PLOD2: variants seen among roughly 807,000 people sequenced by gnomAD.
PLOD2 encodes lysine hydroxylase 2.
A neutral mutation model predicts 101.0 loss-of-function variants in PLOD2; 65 were observed. The ratio of observed to expected loss-of-function variants is 0.64; its 90% CI spans 0.53 to 0.79. The LOEUF (loss-of-function observed/expected upper bound fraction) is 0.79, where lower values mean the gene tolerates loss of function less well. Among genes scored for constraint, PLOD2 ranks in the 30% least tolerant of loss-of-function variants. The probability of loss-of-function intolerance (pLI) is 0.00; values close to 1 mark genes in which losing one functional copy is unlikely to be tolerated. For missense variants in PLOD2, 909 were observed against 914.6 expected, an observed-to-expected ratio of 0.99 and a Z score of 0.08; for synonymous variants, 314 against 302.9, an observed-to-expected ratio of 1.04 and a Z score of -0.38.
At chr3:146,139,520 A>G (rs1174461688) in intron 1 of PLOD2, among the ~76,000 whole-genome samples, 1 of 152,206 alleles carries the variant, frequency 6.6e-6, no homozygotes, top group Non-Finnish European at 1.5e-5. Context: ...ATAAACGCCA[A>G]CTATCAAACA....
chr3:146,158,225 A>C (rs375044341), intron 1 of PLOD2, among the ~76,000 whole-genome samples: 2 of 152,154 alleles, frequency 1.3e-5, no homozygotes, highest in African/African-American at 4.8e-5. Context: ...ACTGGCACTG[A>C]TTAAGAAGGT....
intron 7 of PLOD2, among the ~76,000 whole-genome samples, chr3:146,099,765 C>T (rs951191595): frequency 5.3e-5 from 8 of 152,132 alleles, no homozygotes; most frequent in East Asian, 1.9e-4. Flanking sequence ...TGGGGTTCTA[C>T]CAGCTCTTGA....
At chr3:146,105,292 G>A (rs976269404) in intron 5 of PLOD2, 3 of 152,092 alleles carry the variant, frequency 2.0e-5, no homozygotes, top group African/African-American at 4.8e-5. Context: ...GCACAGTCCC[G>A]TGGATCCTCA....
At chr3:146,143,119 G>C (rs943031371) in intron 1 of PLOD2, among the ~76,000 whole-genome samples, 1 of 151,912 alleles carries the variant, frequency 6.6e-6, no homozygotes, top group Non-Finnish European at 1.5e-5. Context: ...TAAACACTCC[G>C]ACCGCCCTTG....
At chr3:146,143,500 G>A (rs906362467) in intron 1 of PLOD2, among the ~76,000 whole-genome samples, 5 of 151,906 alleles carry the variant, frequency 3.3e-5, no homozygotes, top group African/African-American at 1.2e-4. Flanking sequence ...TCTTTTCTGT[G>A]AGTAGTCTAA....
chr3:146,092,869 G>C (rs370366016), intron 7 of PLOD2, among the ~76,000 whole-genome samples: 7 of 152,102 alleles, frequency 4.6e-5, no homozygotes, highest in African/African-American at 1.7e-4. Flanking sequence ...TTAATACCCA[G>C]TAGTGGTATG....
intron 7 of PLOD2, among the ~76,000 whole-genome samples, chr3:146,093,272 G>A (rs1012933239): frequency 6.6e-6 from 1 of 152,156 alleles, no homozygotes; most frequent in Non-Finnish European, 1.5e-5. Context: ...AGATATTATA[G>A]ATATAGCTAC....
intron 1 of PLOD2, among the ~76,000 whole-genome samples, chr3:146,130,490 C>T (rs1472163421): frequency 6.6e-6 from 1 of 152,170 alleles, no homozygotes; most frequent in Non-Finnish European, 1.5e-5. Context: ...CTTTTGCTCA[C>T]AATTAGACCT....
At chr3:146,126,855 C>T (rs1467320494) in intron 1 of PLOD2, among the ~76,000 whole-genome samples, 1 of 151,966 alleles carries the variant, frequency 6.6e-6, no homozygotes, top group Non-Finnish European at 1.5e-5. Context: ...AATTTAGAGA[C>T]ACATACTGAA....
At position 146,091,835 on chromosome 3, in the gene PLOD2, A is replaced by C. The variant is rs138948307; in HGVS notation, c.844T>G (p.Cys282Gly). The change falls in exon 8 of 20, where the codon TGT (cysteine) becomes GGT (glycine). Residue 282 changes from cysteine (C) to glycine (G), a missense_variant. Transcript: ENST00000282903. ...GACAAGTCGACTGTATCGAATTCAC[A>C]AAGAGTGCAGCCATTATCCTGTGTC... ...SWTQDNGCTL[C>G]EFDTVDLSAV... 13 of 1,607,094 alleles carry C rather than the reference A, an allele frequency of 8.1e-6. No homozygotes were observed. The East Asian group carries it at 2.7e-4, about 33-fold the overall frequency.
intron 1 of PLOD2, among the ~76,000 whole-genome samples, chr3:146,138,163 T>C (rs1190381405): frequency 6.6e-6 from 1 of 152,100 alleles, no homozygotes; most frequent in Non-Finnish European, 1.5e-5. Flanking sequence ...GGAAAGATGA[T>C]ACCACATGAG....
At chr3:146,143,348 T>C (rs1476055561) in intron 1 of PLOD2, among the ~76,000 whole-genome samples, 2 of 152,002 alleles carry the variant, frequency 1.3e-5, no homozygotes, top group African/African-American at 4.8e-5. Flanking sequence ...GTGTTAAGAC[T>C]TAAACAAATT....
At position 146,161,087 on chromosome 3, in the gene PLOD2, C is replaced by G. The variant is rs943553481; in HGVS notation, c.-98G>C. The G allele has an allele frequency of 4.2e-6, 3 of 722,620 alleles. No homozygotes were observed. Among genetic ancestry groups the G allele is most frequent in the African/African-American group, 3.8e-5 (2 of 53,162 alleles). The allele number at this position is 722,620 out of a possible 1,614,324, so 44.8% of individuals were successfully genotyped here. ...GAGACCCGGGTCCGCCCTGAGCCGC[C>G]GATTGCGGGCGGGAGCCGGCGGGCA... On this transcript the variant is annotated 5_prime_UTR_variant, in exon 1 of 20. Transcript: ENST00000282903.
chr3:146,108,340 C>T (rs1937571838), intron 4 of PLOD2, among the ~76,000 whole-genome samples: 1 of 151,762 alleles, frequency 6.6e-6, no homozygotes, highest in African/African-American at 2.4e-5. Context: ...GCCACCATGC[C>T]CAGATAATTT....
Position 146,077,861 on chromosome 3 carries a change from C to A in PLOD2, c.1563+1G>T. The A allele has an allele frequency of 6.4e-7, 1 of 1,562,498 alleles. No individual in the cohort carries two copies. The highest frequency in any genetic ancestry group is 2.3e-5 in the East Asian group (1 of 44,342). Reference sequence around the variant, plus strand: ...ATAAATAAAATAAGTAAAAATAACACCTTTGGGGGGCTGAGCATTTGGAAT... The same window carrying A: ...ATAAATAAAATAAGTAAAAATAACAACTTTGGGGGGCTGAGCATTTGGAAT... On this transcript the variant is annotated splice_donor_variant, in intron 14 of 19. Coordinates refer to ENST00000282903, the MANE Select transcript of PLOD2 (RefSeq NM_182943.3). LOFTEE classifies it high-confidence loss of function.
chr3:146,102,778 T>A lies in PLOD2; in HGVS notation c.754A>T (p.Ile252Phe), dbSNP rs769491366. 6 of 1,596,038 alleles carry A rather than the reference T, an allele frequency of 3.8e-6. No homozygotes were observed. Among genetic ancestry groups the A allele is most frequent in the Non-Finnish European group, 4.3e-6 (5 of 1,163,718 alleles). Residue 252 changes from isoleucine (I) to phenylalanine (F), a missense_variant, in exon 7 of 20, where the codon ATT becomes TTT. Coordinates refer to ENST00000282903, the MANE Select transcript of PLOD2 (RefSeq NM_182943.3). ...ACCTTGGTGGGTCCATTTCCATTAA[T>A]TGCCACTGGTAATGTTTCATAAAAT... is the stretch of plus-strand genomic sequence containing the variant. ...NTFYETLPVA[I>F]NGNGPTKILL...
rs754114038 is a variant in PLOD2, at chr3:146,091,755, T to C, written c.879+45A>G. On this transcript the variant is annotated intron_variant, in intron 8 of 19. Transcript: ENST00000282903. ...TATAAATCACAGTATTTCATGACAA[T>C]GTACTTTCTATTACTACATTTCACA... 44 of 1,053,858 alleles carry C rather than the reference T, an allele frequency of 4.2e-5. 1 individual carries two copies. The South Asian group carries it at 4.7e-4, about 11-fold the overall frequency. 65.3% of individuals were successfully genotyped at this position (1,053,858 alleles called of 1,614,324 possible).
At chr3:146,089,494 G>A (rs2108025560) in intron 8 of PLOD2, among the ~76,000 whole-genome samples, 1 of 151,662 alleles carries the variant, frequency 6.6e-6, no homozygotes, top group Non-Finnish European at 1.5e-5. Context: ...GAAATCTATG[G>A]AAGACTTGTT....
In PLOD2 at chr3:146,079,143, C is replaced by CA; in HGVS notation, c.1472dup (p.Met491IlefsTer8). On this transcript the variant is annotated frameshift_variant, in exon 13 of 20. Transcript: ENST00000282903. LOFTEE classifies it high-confidence loss of function. ...TTTCTCTAGCATTTCGGCAAAGAGC[C>CA]ATATCAGGATCCAGTTTATCACGAA... is the stretch of plus-strand genomic sequence containing the variant. 6.2e-7 allele frequency: 1 copy of CA among 1,612,862 alleles called. No individual in the cohort carries two copies. The highest frequency in any genetic ancestry group is 8.5e-7 in the Non-Finnish European group (1 of 1,179,050).
Sources: allele counts gnomAD v4.1 joint callset (sites outside exome capture counted in the v4.1 genomes callset), GRCh38; gene constraint gnomAD v4.1.1; transcripts MANE v1.5; gene names NCBI Gene and HGNC (gene_info 2026-07-23, HGNC 2026-07-21).